The following CFAP107 variants were observed in gnomAD, a reference collection of about 807,000 sequenced individuals.
The protein encoded by CFAP107 is cilia and flagella associated protein 107, also known as cilia- and flagella-associated protein 107.
At chr1:12,759,511 C>T in the CFAP107 span, 3 of 1,613,676 alleles carry the variant, frequency 1.9e-6, no homozygotes, top group African/African-American at 2.7e-5. Context: ...TCAGGGTATT[C>T]CTCTGCGTTG....
the CFAP107 span, among the ~76,000 whole-genome samples, chr1:12,760,448 C>T: frequency 7.2e-5 from 11 of 152,162 alleles, no homozygotes; most frequent in Admixed American, 2.6e-4. Context: ...GCTTCCTTCC[C>T]GACAGGGGTG....
chr1:12,755,913 A>T, the CFAP107 span: 1 of 772,512 alleles, frequency 1.3e-6, no homozygotes. Context: ...TCTTGGGGGA[A>T]ATCAGGAGTA....
the CFAP107 span, among the ~76,000 whole-genome samples, chr1:12,749,560 G>A: frequency 1.3e-5 from 2 of 152,114 alleles, no homozygotes; most frequent in Admixed American, 6.5e-5. Flanking sequence ...CTAGTGAGCC[G>A]AAATCATGCC....
chr1:12,757,370 TTTTTTCC>T, the CFAP107 span, among the ~76,000 whole-genome samples: 1 of 145,724 alleles, frequency 6.9e-6, no homozygotes, highest in South Asian at 2.2e-4. Context: ...TCTTTTTCTT[TTTTTTCC>T]TTTTTTTCTT....
At chr1:12,757,164 C>G in the CFAP107 span, among the ~76,000 whole-genome samples, 1 of 152,076 alleles carries the variant, frequency 6.6e-6, no homozygotes, top group African/African-American at 2.4e-5. Context: ...AGGTATTGAC[C>G]CTAGTTTTCA....
chr1:12,750,886 T>C, the CFAP107 span, among the ~76,000 whole-genome samples: 1 of 151,986 alleles, frequency 6.6e-6, no homozygotes, highest in African/African-American at 2.4e-5. Context: ...CTCCAGGATA[T>C]ACCATATGTT....
the CFAP107 span, among the ~76,000 whole-genome samples, chr1:12,746,918 T>C: frequency 6.6e-6 from 1 of 151,982 alleles, no homozygotes; most frequent in Non-Finnish European, 1.5e-5. Flanking sequence ...GTACCTTAAT[T>C]TGAAGAACAT....
the CFAP107 span, among the ~76,000 whole-genome samples, chr1:12,756,814 G>A: frequency 6.6e-6 from 1 of 152,190 alleles, no homozygotes; most frequent in Non-Finnish European, 1.5e-5. Context: ...TTTCAAAGCT[G>A]TGTGGCTTGT....
At chr1:12,758,568 A>C in the CFAP107 span, among the ~76,000 whole-genome samples, 3 of 152,142 alleles carry the variant, frequency 2.0e-5, no homozygotes, top group Non-Finnish European at 4.4e-5. Flanking sequence ...TTTCCAGACC[A>C]TAGCAGACAC....
the CFAP107 span, among the ~76,000 whole-genome samples, chr1:12,753,184 G>T: frequency 6.6e-6 from 1 of 152,040 alleles, no homozygotes; most frequent in Non-Finnish European, 1.5e-5. Flanking sequence ...TATATACATT[G>T]AACACTACAA....
chr1:12,749,200 T>G, the CFAP107 span, among the ~76,000 whole-genome samples: 1 of 152,192 alleles, frequency 6.6e-6, no homozygotes, highest in Non-Finnish European at 1.5e-5. Context: ...ATAAAAAATC[T>G]AAAGAGACCC....
the CFAP107 span, chr1:12,761,058 G>T: frequency 4.4e-6 from 5 of 1,138,994 alleles, no homozygotes; most frequent in East Asian, 1.0e-4. Context: ...ACGAGATCTG[G>T]CCCGTCAAAG....
the CFAP107 span, among the ~76,000 whole-genome samples, chr1:12,757,366 T>TC: frequency 1.4e-5 from 2 of 147,564 alleles, no homozygotes; most frequent in Admixed American, 6.7e-5. Context: ...TCTTTCTTTT[T>TC]CTTTTTTTTC....
chr1:12,751,225 G>GA, the CFAP107 span, among the ~76,000 whole-genome samples: 4 of 151,056 alleles, frequency 2.6e-5, no homozygotes, highest in South Asian at 2.1e-4. Flanking sequence ...TAAGAAAACA[G>GA]AAAAAAAAGA....
At chr1:12,758,303 C>T in the CFAP107 span, among the ~76,000 whole-genome samples, 1 of 152,186 alleles carries the variant, frequency 6.6e-6, no homozygotes, top group South Asian at 2.1e-4. Flanking sequence ...AGACACACCC[C>T]AAATCAAGAG....
At chr1:12,761,974 T>C in the CFAP107 span, 1 of 152,218 alleles carries the variant, frequency 6.6e-6, no homozygotes, top group Non-Finnish European at 1.5e-5. Context: ...GCATGCTCAG[T>C]GCTCGCACAG....
chr1:12,755,335 G>T, the CFAP107 span, among the ~76,000 whole-genome samples: 1 of 152,108 alleles, frequency 6.6e-6, no homozygotes, highest in Non-Finnish European at 1.5e-5. Context: ...AACCCGAGAG[G>T]CAGAGGTTGC....
the CFAP107 span, chr1:12,746,266 G>A: frequency 1.5e-5 from 8 of 524,094 alleles, no homozygotes; most frequent in African/African-American, 3.9e-5. Context: ...TCTTGGGGCC[G>A]TTTTATTCTC....
At chr1:12,754,619 T>C in the CFAP107 span, among the ~76,000 whole-genome samples, 1 of 152,220 alleles carries the variant, frequency 6.6e-6, no homozygotes, top group South Asian at 2.1e-4. Flanking sequence ...TACCCACTGA[T>C]GGATGAATGG....
Sources: allele counts gnomAD v4.1 joint callset (sites outside exome capture counted in the v4.1 genomes callset), GRCh38; gene constraint gnomAD v4.1.1; transcripts MANE v1.5; gene names NCBI Gene and HGNC (gene_info 2026-07-23, HGNC 2026-07-21).